TCF12: variants seen among roughly 807,000 people sequenced by gnomAD.
TCF12 encodes the protein transcription factor 12, also known as DNA-binding protein HTF4.
A neutral mutation model predicts 86.0 loss-of-function variants in TCF12; 45 were observed. The observed-to-expected ratio is 0.52, with a 90% confidence interval of 0.41 to 0.67. The LOEUF (loss-of-function observed/expected upper bound fraction) is 0.67, where lower values mean the gene tolerates loss of function less well. TCF12 is among the 30% of genes least tolerant of loss of function. The probability of loss-of-function intolerance (pLI) is 0.00; values close to 1 mark genes in which losing one functional copy is unlikely to be tolerated. For missense variants in TCF12, 881 were observed against 859.9 expected, an observed-to-expected ratio of 1.02 and a Z score of -0.31; for synonymous variants, 330 against 299.6, an observed-to-expected ratio of 1.10 and a Z score of -1.05.
At chr15:57,083,739 C>T (rs1940668953) in intron 4 of TCF12, among the ~76,000 whole-genome samples, 3 of 152,082 alleles carry the variant, frequency 2.0e-5, no homozygotes, top group African/African-American at 7.2e-5. Context: ...TGTATTCCAC[C>T]ATATCTGGCT....
At chr15:57,129,067 A>G (rs1423484135) in intron 5 of TCF12, among the ~76,000 whole-genome samples, 2 of 152,158 alleles carry the variant, frequency 1.3e-5, no homozygotes, top group African/African-American at 2.4e-5. Flanking sequence ...GTTACCAGGT[A>G]ATATAACTCT....
chr15:56,930,488 A>C (rs16977153), intron 3 of TCF12, among the ~76,000 whole-genome samples: 53,890 of 152,044 alleles, frequency 0.35, 11,565 homozygotes, highest in African/African-American at 0.59. Context: ...CCATTTACTT[A>C]ATCTACTTGG....
chr15:57,204,971 G>A (rs929587551), intron 8 of TCF12, among the ~76,000 whole-genome samples: 1 of 152,098 alleles, frequency 6.6e-6, no homozygotes, highest in Non-Finnish European at 1.5e-5. Flanking sequence ...GAGTAGAGTC[G>A]TATGGAAGTC....
intron 19 of TCF12, among the ~76,000 whole-genome samples, chr15:57,273,617 GTC>G (rs2061248539): frequency 1.3e-5 from 2 of 152,036 alleles, no homozygotes; most frequent in South Asian, 4.1e-4. Context: ...TGCTCTTTAT[GTC>G]TTTCCTACTT....
At chr15:57,123,899 G>T (rs909624490) in intron 5 of TCF12, among the ~76,000 whole-genome samples, 2 of 148,610 alleles carry the variant, frequency 1.3e-5, no homozygotes, top group Middle Eastern at 3.2e-3. Flanking sequence ...GAACCCGGGA[G>T]TCAGAGCTTG....
At chr15:57,100,530 T>C (rs1239065218) in intron 5 of TCF12, among the ~76,000 whole-genome samples, 1 of 151,900 alleles carries the variant, frequency 6.6e-6, no homozygotes, top group Non-Finnish European at 1.5e-5. Context: ...TCCAAAGTGC[T>C]GGGATTATAG....
intron 8 of TCF12, among the ~76,000 whole-genome samples, chr15:57,206,874 T>A (rs1208969358): frequency 6.7e-6 from 1 of 148,550 alleles, no homozygotes; most frequent in Non-Finnish European, 1.5e-5. Context: ...GAGGAGTGTT[T>A]GAGCCTAGAA....
At chr15:57,264,878 T>G (rs963076780) in intron 18 of TCF12, among the ~76,000 whole-genome samples, 3 of 151,984 alleles carry the variant, frequency 2.0e-5, no homozygotes, top group Non-Finnish European at 4.4e-5. Flanking sequence ...TACAGGTGCC[T>G]GCCACCATGC....
At chr15:57,178,327 C>T (rs566600633) in intron 6 of TCF12, among the ~76,000 whole-genome samples, 10 of 152,206 alleles carry the variant, frequency 6.6e-5, no homozygotes, top group African/African-American at 1.9e-4. Flanking sequence ...GTTTTGAAGA[C>T]GTCCAGTACG....
At chr15:56,974,597 C>T (rs1370955730) in intron 3 of TCF12, among the ~76,000 whole-genome samples, 2 of 152,078 alleles carry the variant, frequency 1.3e-5, no homozygotes, top group East Asian at 3.8e-4. Context: ...CAAAGTACTT[C>T]TGTGTACTTT....
intron 5 of TCF12, among the ~76,000 whole-genome samples, chr15:57,127,807 T>C (rs1276483485): frequency 2.0e-5 from 3 of 152,274 alleles, no homozygotes; most frequent in Non-Finnish European, 2.9e-5. Flanking sequence ...TTAATTGGCA[T>C]GTAGGGTCCT....
At position 57,091,902 on chromosome 15, in the gene TCF12, A is replaced by G; in HGVS notation, c.325+11A>G. The G allele has an allele frequency of 6.2e-7, 1 of 1,605,908 alleles. No individual in the cohort carries two copies. On this transcript the variant is annotated intron_variant, in intron 5 of 20. Transcript: ENST00000333725. The stretch of plus-strand genomic sequence containing the variant: ...ACTCAAATCTGATGGGTAAGTTGGT[A>G]ATTCTCTGCAAGTAGTCTTCTCAAA...
chr15:57,175,743 A>G (rs1421547680), intron 6 of TCF12, among the ~76,000 whole-genome samples: 1 of 152,222 alleles, frequency 6.6e-6, no homozygotes, highest in East Asian at 1.9e-4. Flanking sequence ...CATTCAGAGA[A>G]CTAAGAAGTT....
At chr15:57,153,218 A>G (rs1364770480) in intron 5 of TCF12, among the ~76,000 whole-genome samples, 1 of 152,234 alleles carries the variant, frequency 6.6e-6, no homozygotes, top group Non-Finnish European at 1.5e-5. Flanking sequence ...CACTCCAGAC[A>G]GAAACTTGGA....
intron 3 of TCF12, among the ~76,000 whole-genome samples, chr15:56,922,933 C>T: frequency 6.6e-6 from 1 of 151,656 alleles, no homozygotes; most frequent in East Asian, 1.9e-4. Context: ...TATTTATATA[C>T]CTTATTGACA....
intron 3 of TCF12, among the ~76,000 whole-genome samples, chr15:56,993,593 G>C (rs1208573507): frequency 6.6e-6 from 1 of 152,124 alleles, no homozygotes; most frequent in Non-Finnish European, 1.5e-5. Context: ...TGAATTCCCT[G>C]AACTATACAT....
At chr15:56,951,152 T>A (rs553994475) in intron 3 of TCF12, among the ~76,000 whole-genome samples, 8 of 152,180 alleles carry the variant, frequency 5.3e-5, no homozygotes, top group Non-Finnish European at 8.8e-5. Flanking sequence ...TGTATCATTT[T>A]ACATTCCCAC....
chr15:57,219,255 G>C, intron 8 of TCF12: 1 of 1,168,660 alleles, frequency 8.6e-7, no homozygotes, highest in Non-Finnish European at 1.1e-6. Flanking sequence ...AAAGTGACTT[G>C]CATTTTTTTA....
At chr15:56,977,600 G>C (rs183212373) in intron 3 of TCF12, among the ~76,000 whole-genome samples, 23 of 151,960 alleles carry the variant, frequency 1.5e-4, no homozygotes, top group South Asian at 4.2e-4. Context: ...CACACACACA[G>C]AGAGGTGGAG....
Sources: gnomAD v4.1 joint callset for allele counts (sites outside exome capture counted in the v4.1 genomes callset) on GRCh38, gnomAD v4.1.1 for gene constraint, MANE v1.5 for transcripts, NCBI Gene and HGNC (gene_info 2026-07-23, HGNC 2026-07-21) for gene names.